Variants in CCDC149 observed in about 807,000 individuals in gnomAD.
The protein encoded by CCDC149 is coiled-coil domain containing 149, also known as coiled-coil domain-containing protein 149.
In CCDC149, 45 loss-of-function variants were observed where a neutral mutation model predicts 59.9. That is an observed-to-expected ratio of 0.75 (90% confidence interval 0.59 to 0.96). The LOEUF is 0.96. Ranked by LOEUF, CCDC149 falls within the 40% of genes least tolerant of loss-of-function variation. CCDC149 has a pLI of 0.00. For missense variants in CCDC149, 584 were observed against 664.7 expected, an observed-to-expected ratio of 0.88 and a Z score of 1.33; for synonymous variants, 245 against 260.6, an observed-to-expected ratio of 0.94 and a Z score of 0.58.
chr4:24,825,260 C>T (rs921387145), intron 9 of CCDC149, among the ~76,000 whole-genome samples: 1 of 152,192 alleles, frequency 6.6e-6, no homozygotes, highest in Non-Finnish European at 1.5e-5. Context: ...CAAAAACATA[C>T]ATGGACGGTG....
In CCDC149 at chr4:24,816,938, C is replaced by T. The variant is rs145981256; in HGVS notation, c.1192+2921G>A. ...CTCTGATAGGCTTTGTCCTCCCAAG[C>T]GCGCGCTGCTTTCAGTTGGAATTGA... is the stretch of plus-strand genomic sequence containing the variant. On this transcript the variant is annotated intron_variant, in intron 12 of 12. Coordinates refer to ENST00000635206, the MANE Select transcript of CCDC149 (RefSeq NM_001330643.2). Among the ~76,000 whole-genome samples, 549 of 152,256 alleles carry T rather than the reference C, an allele frequency of 3.6e-3. 5 individuals carry two copies. Among genetic ancestry groups the T allele is most frequent in the African/African-American group, 0.012 (507 of 41,536 alleles).
At chr4:24,932,771 G>T (rs1441204118) in intron 1 of CCDC149, among the ~76,000 whole-genome samples, 2 of 152,072 alleles carry the variant, frequency 1.3e-5, no homozygotes, top group Non-Finnish European at 2.9e-5. Context: ...AAAACACCAG[G>T]GAAAACATTA....
At chr4:24,866,083 G>A (rs1185660518) in intron 3 of CCDC149, among the ~76,000 whole-genome samples, 1 of 152,182 alleles carries the variant, frequency 6.6e-6, no homozygotes, top group Non-Finnish European at 1.5e-5. Context: ...AAGTCACTGT[G>A]ATTTGCAGTC....
intron 4 of CCDC149, among the ~76,000 whole-genome samples, chr4:24,852,062 T>C (rs909583971): frequency 1.3e-5 from 2 of 151,628 alleles, no homozygotes; most frequent in Non-Finnish European, 2.9e-5. Context: ...AAGTCAGGAC[T>C]CTCAAGCCAG....
At chr4:24,878,216 TAAAA>T (rs66494953) in intron 1 of CCDC149, among the ~76,000 whole-genome samples, 5 of 125,132 alleles carry the variant, frequency 4.0e-5, no homozygotes, top group African/African-American at 6.2e-5. Flanking sequence ...TTTTTTTTCC[TAAAA>T]AAAAAAAAAA....
intron 1 of CCDC149, among the ~76,000 whole-genome samples, chr4:24,964,463 C>T (rs528431048): frequency 6.6e-6 from 1 of 152,062 alleles, no homozygotes; most frequent in Non-Finnish European, 1.5e-5. Flanking sequence ...ATATTTGAAA[C>T]TAAATAACAT....
At chr4:24,853,880 T>C (rs1248932272) in intron 3 of CCDC149, among the ~76,000 whole-genome samples, 1 of 152,212 alleles carries the variant, frequency 6.6e-6, no homozygotes, top group African/African-American at 2.4e-5. Context: ...TTTCCTGGGC[T>C]GGTTTTCCCC....
rs370746558 is a variant in CCDC149 at position 24,811,412 on chromosome 4, T to C, written c.1193-2593A>G. 3.8e-4 allele frequency among the ~76,000 whole-genome samples: 58 copies of C among 152,220 alleles called. 1 individual carries two copies. Among genetic ancestry groups the C allele is most frequent in the African/African-American group, 1.2e-3 (51 of 41,548 alleles). On this transcript the variant is annotated intron_variant, in intron 12 of 12. Coordinates refer to ENST00000635206, the MANE Select transcript of CCDC149 (RefSeq NM_001330643.2). ...CCCCACCCTGTAGCATACTTTCCCA[T>C]TGGCCACATGCTCCTCGCAAGCTGT...
chr4:24,810,060 G>A (rs1577370968), intron 12 of CCDC149, among the ~76,000 whole-genome samples: 1 of 152,102 alleles, frequency 6.6e-6, no homozygotes, highest in East Asian at 1.9e-4. Flanking sequence ...TTCATCACAC[G>A]TGTCCTCCCA....
At chr4:24,919,871 T>G (rs1049447881) in intron 1 of CCDC149, among the ~76,000 whole-genome samples, 5 of 152,230 alleles carry the variant, frequency 3.3e-5, no homozygotes, top group African/African-American at 1.2e-4. Flanking sequence ...GGTGCTGTTA[T>G]TATTATCCAA....
chr4:24,814,244 T>C (rs1714859560), intron 12 of CCDC149, among the ~76,000 whole-genome samples: 1 of 152,152 alleles, frequency 6.6e-6, no homozygotes, highest in African/African-American at 2.4e-5. Flanking sequence ...ATGAAATACA[T>C]GAATGTAATA....
chr4:24,913,954 A>G (rs918978422), upstream of CCDC149, among the ~76,000 whole-genome samples: 1 of 152,240 alleles, frequency 6.6e-6, no homozygotes, highest in African/African-American at 2.4e-5. Context: ...ACCACTATCA[A>G]TAGTGAGCCC....
chr4:24,876,291 G>A (rs77597418), intron 2 of CCDC149, among the ~76,000 whole-genome samples: 1,970 of 42,600 alleles, frequency 0.046, 52 homozygotes, highest in African/African-American at 0.14. Context: ...ACATACACAC[G>A]TACACACACA....
intron 1 of CCDC149, among the ~76,000 whole-genome samples, chr4:24,918,678 C>T (rs904170318): frequency 9.2e-5 from 14 of 152,208 alleles, no homozygotes; most frequent in African/African-American, 3.4e-4. Context: ...TGGTTCCTGC[C>T]TTTGGCCAAA....
rs1003075842 is a variant in CCDC149 at position 24,818,176 on chromosome 4, A to T, written c.1192+1683T>A. Among the ~76,000 whole-genome samples the T allele has an allele frequency of 2.0e-5, 3 of 152,120 alleles. 1 individual carries two copies. Among genetic ancestry groups the T allele is most frequent in the African/African-American group, 7.2e-5 (3 of 41,422 alleles). ...CAGAAAGAGTTGAGTGAAAGGCCAC[A>T]TGTAGATGGAGATGGAAGGTTGACA... On this transcript the variant is annotated intron_variant, in intron 12 of 12. Transcript: ENST00000635206.
In CCDC149 at chr4:24,884,726, TGAA is replaced by T. The variant is rs1720054254; in HGVS notation, c.64-8032_64-8030del. Among the ~76,000 whole-genome samples, 3 of 152,378 alleles carry T rather than the reference TGAA, an allele frequency of 2.0e-5. No homozygotes were observed. In the South Asian group the frequency reaches 6.2e-4, roughly 32 times the overall value. On this transcript the variant is annotated intron_variant, in intron 1 of 12. Coordinates refer to ENST00000635206, the MANE Select transcript of CCDC149 (RefSeq NM_001330643.2). ...GTGCCTCAGTTTCTCCATTTTTAAA[TGAA>T]GATATTTACAGCATCTTCGGAGGGT...
intron 12 of CCDC149, among the ~76,000 whole-genome samples, chr4:24,814,696 C>A (rs1577375420): frequency 6.6e-6 from 1 of 152,208 alleles, no homozygotes; most frequent in African/African-American, 2.4e-5. Flanking sequence ...ATGTCTTTCC[C>A]CAGCTATACA....
chr4:24,889,087 G>C (rs1483463832), intron 1 of CCDC149, among the ~76,000 whole-genome samples: 2 of 152,088 alleles, frequency 1.3e-5, no homozygotes, highest in African/African-American at 4.8e-5. Context: ...ACAGTAGCTG[G>C]GGGGTATGTG....
rs575661564 is a variant in CCDC149 at position 24,820,320 on chromosome 4, A to G, written c.1076-345T>C. The G allele has an allele frequency of 1.0e-4, 21 of 210,012 alleles. No homozygotes were observed. The South Asian group carries it at 1.9e-3, about 19-fold the overall frequency. The allele number at this position is 210,012 out of a possible 1,614,324, so 13.0% of individuals were successfully genotyped here. ...TAAGCATGTCTAGAATGCCTGGTAC[A>G]GAACTGAATTCACAAAGTCAGTGCT... On this transcript the variant is annotated intron_variant, in intron 11 of 12. Transcript: ENST00000635206.
Sources: allele counts gnomAD v4.1 joint callset (sites outside exome capture counted in the v4.1 genomes callset), GRCh38; gene constraint gnomAD v4.1.1; transcripts MANE v1.5; gene names NCBI Gene and HGNC (gene_info 2026-07-23, HGNC 2026-07-21).